The following UNC80 variants were observed in gnomAD, a reference collection of about 807,000 sequenced individuals.
UNC80 encodes unc-80 subunit of NALCN channel complex, also known as protein unc-80 homolog.
UNC80 carries 164 observed loss-of-function variants against 384.6 expected under a neutral mutation model. That is an observed-to-expected ratio of 0.43 (90% CI 0.38 to 0.49). The LOEUF is 0.49. UNC80 is among the 20% of genes least tolerant of loss of function. The pLI, the probability that UNC80 is intolerant of heterozygous loss-of-function variation, is 0.00. For missense variants in UNC80, 3,330 were observed against 4,143.0 expected (o/e 0.80, Z 5.39); for synonymous variants, 1,486 against 1,527.8 (o/e 0.97, Z 0.64).
intron 28 of UNC80, among the ~76,000 whole-genome samples, chr2:209,903,320 A>ATGTGTGTG (rs34002751): frequency 1.3e-4 from 14 of 105,788 alleles, no homozygotes; most frequent in South Asian, 2.9e-4. Context: ...ATTATATTAT[A>ATGTGTGTG]TGTGTGTGTG....
intron 35 of UNC80, among the ~76,000 whole-genome samples, chr2:209,926,055 A>G (rs991941065): frequency 1.3e-5 from 2 of 152,126 alleles, no homozygotes; most frequent in African/African-American, 2.4e-5. Context: ...ATATGCAATT[A>G]TATTTATTTT....
chr2:209,795,445 C>T (rs2078093548), intron 7 of UNC80: 1 of 152,276 alleles, frequency 6.6e-6, no homozygotes, highest in Admixed American at 6.5e-5. Context: ...TTCAAGCCAA[C>T]TGCAGAAATT....
chr2:209,875,472 A>G (rs376680886), intron 23 of UNC80, among the ~76,000 whole-genome samples: 2 of 152,330 alleles, frequency 1.3e-5, no homozygotes, highest in East Asian at 3.9e-4. Context: ...TTGAAAGCAG[A>G]GTCCATGCTT....
intron 7 of UNC80, among the ~76,000 whole-genome samples, chr2:209,805,657 A>G (rs1208263672): frequency 6.6e-6 from 1 of 152,242 alleles, no homozygotes; most frequent in Non-Finnish European, 1.5e-5. Flanking sequence ...CCCCAAAACA[A>G]ATTATTCAAG....
At chr2:209,891,670 A>G (rs2086346380) in intron 26 of UNC80, among the ~76,000 whole-genome samples, 1 of 152,138 alleles carries the variant, frequency 6.6e-6, no homozygotes, top group Non-Finnish European at 1.5e-5. Context: ...CAGAATGGTT[A>G]TGTTAACATA....
intron 26 of UNC80, among the ~76,000 whole-genome samples, chr2:209,888,904 A>G (rs956264399): frequency 5.9e-5 from 9 of 152,204 alleles, no homozygotes; most frequent in Non-Finnish European, 1.0e-4. Flanking sequence ...TTCGCACGAA[A>G]TTCTTGGGGA....
intron 51 of UNC80, among the ~76,000 whole-genome samples, chr2:209,963,485 C>T (rs2125004928): frequency 6.6e-6 from 1 of 152,304 alleles, no homozygotes; most frequent in Non-Finnish European, 1.5e-5. Context: ...TAAAATGGCT[C>T]TTAAATTCAG....
At position 209,826,028 on chromosome 2, in the gene UNC80, T is replaced by C; in HGVS notation, c.2453T>C (p.Leu818Pro). The C allele has an allele frequency of 6.5e-7, 1 of 1,549,858 alleles. No homozygotes were observed. The highest frequency in any genetic ancestry group is 8.7e-7 in the Non-Finnish European group (1 of 1,146,114). The change falls in exon 14 of 65, where the codon CTG becomes CCG. Residue 818 changes from leucine to proline, a missense_variant. Around this residue, in one of 8 missense-constraint regions of UNC80, gnomAD observed 937 missense variants for 1,026.8 expected, o/e 0.91. Transcript: ENST00000673920. ...CACCGAGGGCTCTCTGGAGATCGTC[T>C]GAGACACCAGGTATTCCGAGAGAAT... is the stretch of plus-strand genomic sequence containing the variant. ...EGHRGLSGDR[L>P]RHQVFRENAQ... is the part of the protein sequence containing the mutation.
chr2:209,775,413 A>T (rs2153824534), intron 2 of UNC80, among the ~76,000 whole-genome samples: 1 of 152,310 alleles, frequency 6.6e-6, no homozygotes, highest in East Asian at 1.9e-4. Flanking sequence ...TAAATCAGGG[A>T]TTCCAAAGTT....
At chr2:209,956,239 T>C (rs906315325) in intron 48 of UNC80, among the ~76,000 whole-genome samples, 2 of 1,356 alleles carry the variant, frequency 1.5e-3, no homozygotes, top group African/African-American at 7.3e-3. Context: ...GAAGACTAGC[T>C]TCATTATTTG....
chr2:209,823,000 T>A (rs2080250890), intron 13 of UNC80, among the ~76,000 whole-genome samples: 1 of 152,240 alleles, frequency 6.6e-6, no homozygotes, highest in South Asian at 2.1e-4. Flanking sequence ...GCCTTCTTTC[T>A]GTGATTCACA....
Position 209,969,862 on chromosome 2 carries a change from A to G in UNC80, c.8101A>G (p.Arg2701Gly), listed in dbSNP as rs1476620377. 2 of 1,551,704 alleles carry G rather than the reference A, an allele frequency of 1.3e-6. No individual in the cohort carries two copies. The highest frequency in any genetic ancestry group is 2.4e-5 in the East Asian group (1 of 40,928). ...AATCATATCCTTCCTGCCTCACCTT[A>G]GGTCACTGATCAATGTCTGTGTCAA... ...QPIISFLPHLRSLINVCVNLV... is the reference protein window; with the variant it reads ...QPIISFLPHLGSLINVCVNLV... The change falls in exon 53 of 65, where the codon AGG becomes GGG. Residue 2701 changes from arginine to glycine, a missense_variant. Physicochemically the swap from Arg to Gly is moderately radical, Grantham distance 125 (BLOSUM62 -2). Around this residue, in one of 8 missense-constraint regions of UNC80, gnomAD observed 1,049 missense variants for 1,488.6 expected, o/e 0.70. Coordinates refer to ENST00000673920, the MANE Select transcript of UNC80 (RefSeq NM_001371986.1).
chr2:209,883,174 T>A (rs563229901), intron 25 of UNC80, among the ~76,000 whole-genome samples: 4 of 152,334 alleles, frequency 2.6e-5, no homozygotes, highest in Non-Finnish European at 4.4e-5. Flanking sequence ...ACATTCTAAC[T>A]TATTGAAATG....
intron 5 of UNC80, among the ~76,000 whole-genome samples, chr2:209,787,921 TATC>T (rs1175606659): frequency 6.6e-6 from 1 of 152,210 alleles, no homozygotes; most frequent in Non-Finnish European, 1.5e-5. Flanking sequence ...AAGGCATTGT[TATC>T]ATAAAAGATG....
At chr2:209,817,756 G>A in intron 10 of UNC80, 56 bp from the exon 11 acceptor site, 2 of 1,544,006 alleles carry the variant, frequency 1.3e-6, no homozygotes, top group South Asian at 1.2e-5. Flanking sequence ...CAATATCTTG[G>A]CAGAATAACT....
chr2:209,832,767 G>A (rs534864152), intron 16 of UNC80, among the ~76,000 whole-genome samples: 2 of 152,246 alleles, frequency 1.3e-5, no homozygotes, highest in East Asian at 3.9e-4. Context: ...ACAAACTCAT[G>A]TATAGAAAAA....
intron 23 of UNC80, among the ~76,000 whole-genome samples, chr2:209,875,579 G>A (rs991708747): frequency 6.6e-6 from 1 of 152,134 alleles, no homozygotes; most frequent in African/African-American, 2.4e-5. Flanking sequence ...TCTCAAGAAT[G>A]TGAAATGAAG....
At chr2:209,972,360 T>C (rs369638238) in intron 55 of UNC80, 36 bp downstream of exon 55, 3 of 1,546,350 alleles carry the variant, frequency 1.9e-6, no homozygotes, top group Admixed American at 2.0e-5. Flanking sequence ...TTTATCATTG[T>C]TGTTGTGTTC....
rs2091613659 is a variant in UNC80, at chr2:209,941,277, C to T, written c.6703C>T (p.Leu2235=). Residue 2235 remains leucine, a synonymous_variant, in exon 44 of 65, where the codon CTG becomes TTG. Transcript: ENST00000673920. The part of the protein sequence containing the change: ...TLQKSLWIQL[L]EEMFLGMPSE... ...TCAGAAAAGCTTGTGGATCCAGCTG[C>T]TGGAGGAAATGTTCCTGGGCATGCC... The T allele has an allele frequency of 6.5e-7, 1 of 1,539,806 alleles. No individual in the cohort carries two copies.
Sources: gnomAD v4.1 joint callset for allele counts (sites outside exome capture counted in the v4.1 genomes callset) on GRCh38, gnomAD v4.1.1 for gene constraint, gnomAD v4.1.1 regional missense constraint, MANE v1.5 for transcripts, NCBI Gene and HGNC (gene_info 2026-07-23, HGNC 2026-07-21) for gene names.